Variants in SMARCA4 observed in about 807,000 individuals in gnomAD.
SMARCA4 encodes SWI/SNF related BAF chromatin remodeling complex subunit ATPase 4, also known as SWI/SNF-related matrix-associated actin-dependent regulator of chromatin subfamily A member 4.
In SMARCA4, 31 loss-of-function variants were observed where a neutral mutation model predicts 193.9. The observed-to-expected ratio is 0.16, with a 90% CI of 0.12 to 0.22. The LOEUF is 0.22. Among genes scored for constraint, SMARCA4 ranks in the 10% least tolerant of loss-of-function variants. The pLI is 1.00. For missense variants in SMARCA4, 1,148 were observed against 2,296.0 expected, an observed-to-expected ratio of 0.50 and a Z score of 10.22; for synonymous variants, 942 against 933.1, an observed-to-expected ratio of 1.01 and a Z score of -0.17.
rs75268640 is a variant in SMARCA4 at position 11,059,487 on chromosome 19, G to T, written c.4636-266G>T. On this transcript the variant is annotated intron_variant, in intron 32 of 34. Transcript: ENST00000344626. ...TCAGAGATTGTGCAGAAGGAGGGAG[G>T]CACCTGCAGCTATTCCCAAACCAGT... Among the ~76,000 whole-genome samples, 750 of 152,368 alleles carry T rather than the reference G, an allele frequency of 4.9e-3. 6 individuals are homozygous for T. Among genetic ancestry groups the T allele is most frequent in the African/African-American group, 0.017 (705 of 41,584 alleles).
Position 11,033,512 on chromosome 19 carries a change from G to A in SMARCA4, c.3769G>A (p.Asp1257Asn), listed in dbSNP as rs878854214. ...GGCCATCCTGGAGCACGAGGAGCAGGATGAGGTGAGCCCAGCACCGGCCCC... is the reference window on the plus strand; with the variant it reads ...GGCCATCCTGGAGCACGAGGAGCAGAATGAGGTGAGCCCAGCACCGGCCCC... The part of the protein sequence containing the change: ...LQAILEHEEQ[D>N]ESRHCSTGSG... Residue 1257 changes from aspartate to asparagine, a missense_variant, in exon 26 of 35, where the codon GAT becomes AAT. By Grantham distance (23) the Asp-to-Asn change is conservative. This residue lies in a region of SMARCA4 where 84 missense variants were observed against 202.2 expected (regional missense o/e 0.42). Coordinates refer to ENST00000344626, the MANE Select transcript of SMARCA4 (RefSeq NM_003072.5). This position sits in a 1 kb window ranked among gnomAD's most constrained non-coding sequence, Gnocchi z 9.8. The A allele has an allele frequency of 6.2e-7, 1 of 1,612,254 alleles. No homozygotes were observed.
intron 1 of SMARCA4, among the ~76,000 whole-genome samples, chr19:10,976,780 C>T (rs1004393604): frequency 5.9e-5 from 8 of 134,702 alleles, no homozygotes; most frequent in Non-Finnish European, 1.1e-4. Context: ...TTGGGCCGGG[C>T]GTGGTGCCTC....
At chr19:11,022,777 C>T (rs996364564) in intron 19 of SMARCA4, among the ~76,000 whole-genome samples, 3 of 152,104 alleles carry the variant, frequency 2.0e-5, no homozygotes, top group Admixed American at 6.5e-5. Flanking sequence ...CTTCTGATGG[C>T]GAAACCGAGG....
At chr19:10,988,851 G>A (rs2086297380) in intron 6 of SMARCA4, among the ~76,000 whole-genome samples, 1 of 152,198 alleles carries the variant, frequency 6.6e-6, no homozygotes, top group Admixed American at 6.5e-5. Context: ...AGTATGTGCA[G>A]AAAGACTGAT....
At chr19:11,061,204 AATATATATATATATATATATATAT>A (rs55894159) in intron 34 of SMARCA4, among the ~76,000 whole-genome samples, 2 of 45,226 alleles carry the variant, frequency 4.4e-5, no homozygotes, top group Non-Finnish European at 7.5e-5. Context: ...AAAAAAAAAA[AATATATATATATATATATATATAT>A]ATATATATAT....
rs1452629611 is a variant in SMARCA4, at chr19:11,003,326, T to TA, written c.1944-13dup. 2 of 1,613,096 alleles carry TA rather than the reference T, an allele frequency of 1.2e-6. No individual in the cohort carries two copies. Among genetic ancestry groups the TA allele is most frequent in the South Asian group, 1.1e-5 (1 of 91,060 alleles). On this transcript the variant is annotated splice_polypyrimidine_tract_variant and intron_variant, in intron 12 of 34. Transcript: ENST00000344626. ...CTGAGCAGATTTGTATGAAAGCCCT[T>TA]ACATTTTTTCTAGGTATGAAGTAGC...
intron 30 of SMARCA4, among the ~76,000 whole-genome samples, chr19:11,055,420 C>T (rs2076488006): frequency 6.6e-6 from 1 of 152,004 alleles, no homozygotes; most frequent in Non-Finnish European, 1.5e-5. Flanking sequence ...GAACTCCGGA[C>T]TTCGTGATCC....
intron 1 of SMARCA4, among the ~76,000 whole-genome samples, chr19:10,976,972 G>A (rs1035098402): frequency 2.0e-5 from 3 of 151,894 alleles, no homozygotes; most frequent in Non-Finnish European, 2.9e-5. Context: ...CAGGAGAATC[G>A]CTTGAACCTA....
At chr19:11,017,183 C>G (rs62129060) in intron 16 of SMARCA4, among the ~76,000 whole-genome samples, 1 of 152,212 alleles carries the variant, frequency 6.6e-6, no homozygotes, top group Non-Finnish European at 1.5e-5. Context: ...TCTCACACTT[C>G]CACCCTGTGT....
At chr19:11,015,903 C>T (rs1046438613) in intron 16 of SMARCA4, 1 of 152,046 alleles carries the variant, frequency 6.6e-6, no homozygotes, top group African/African-American at 2.4e-5. Context: ...CCCAGCCACT[C>T]AGGAGGCTGA....
Position 10,980,579 on chromosome 19 carries a change from A to C in SMARCA4, c.-31-3542A>C, listed in dbSNP as rs568731324. ...AACCCCGGGGACGGAGGTTGCAGTG[A>C]GCAGAGATCATGTCACTGCACTCCA... On this transcript the variant is annotated intron_variant, in intron 1 of 34. Coordinates refer to ENST00000344626, the MANE Select transcript of SMARCA4 (RefSeq NM_003072.5). Among the ~76,000 whole-genome samples, 113 of 151,860 alleles carry C rather than the reference A, an allele frequency of 7.4e-4. 2 individuals carry two copies. Among genetic ancestry groups the C allele is most frequent in the African/African-American group, 2.6e-3 (109 of 41,410 alleles).
Position 11,041,359 on chromosome 19 carries a change from AATC to A in SMARCA4, c.4228_4230del (p.Ser1410del), listed in dbSNP as rs1600466492. On this transcript the variant is annotated inframe_deletion, in exon 30 of 35. Coordinates refer to ENST00000344626, the MANE Select transcript of SMARCA4 (RefSeq NM_003072.5). This position sits in a 1 kb window ranked among gnomAD's most constrained non-coding sequence, Gnocchi z 5.6. ...ATCGAAGAGGAGGTCCGGCAGAAGAAATCATCACGGAAGCGCAAGCGAGACAGC... is the reference window on the plus strand; with the variant it reads ...ATCGAAGAGGAGGTCCGGCAGAAGAAATCACGGAAGCGCAAGCGAGACAGC... The A allele has an allele frequency of 3.7e-6, 6 of 1,612,644 alleles. No homozygotes were observed. The highest frequency in any genetic ancestry group is 5.1e-6 in the Non-Finnish European group (6 of 1,179,984).
chr19:11,017,598 C>T (rs1309319497), intron 16 of SMARCA4, among the ~76,000 whole-genome samples: 1 of 152,250 alleles, frequency 6.6e-6, no homozygotes, highest in Non-Finnish European at 1.5e-5. Context: ...GTCTCTGGGA[C>T]CTGTCCCCTC....
intron 30 of SMARCA4, among the ~76,000 whole-genome samples, chr19:11,043,513 G>A (rs964067175): frequency 9.9e-5 from 15 of 151,956 alleles, no homozygotes; most frequent in Admixed American, 2.0e-4. Context: ...ATACAGCTGC[G>A]GGCAGTAGCA....
intron 9 of SMARCA4, 70 bp from the exon 10 acceptor site, chr19:10,996,143 G>T: frequency 6.5e-7 from 1 of 1,544,522 alleles, no homozygotes; most frequent in South Asian, 1.1e-5. Context: ...CTTCTGGATT[G>T]ACTGGCCATG....
chr19:10,994,424 C>T (rs1224154354), intron 8 of SMARCA4, among the ~76,000 whole-genome samples: 2 of 150,254 alleles, frequency 1.3e-5, no homozygotes, highest in African/African-American at 2.5e-5. Context: ...CCCGGGTTCA[C>T]GCCATTCTCC....
intron 34 of SMARCA4, among the ~76,000 whole-genome samples, chr19:11,061,204 A>AATAT (rs55894159): frequency 3.2e-3 from 144 of 45,148 alleles, no homozygotes; most frequent in Middle Eastern, 0.012. Context: ...AAAAAAAAAA[A>AATAT]ATATATATAT....
chr19:11,009,308 C>G (rs976723354), intron 14 of SMARCA4, among the ~76,000 whole-genome samples: 1 of 152,016 alleles, frequency 6.6e-6, no homozygotes, highest in Non-Finnish European at 1.5e-5. Context: ...GCGTGAGCCA[C>G]CGCACCTGGC....
rs1060504463 is a variant in SMARCA4, at chr19:10,994,890, A to G, written c.1482A>G (p.Thr494=). ...TCAAGGAATATCACAGATCCGTCAC[A>G]GGCAAAATCCAGAAGCTGACCAAGG... ...KDFKEYHRSV[T]GKIQKLTKAV... is the part of the protein sequence containing the mutation. The change falls in exon 9 of 35, where the codon ACA becomes ACG. Residue 494 remains threonine, a synonymous_variant. Transcript: ENST00000344626. 3.7e-6 allele frequency: 6 copies of G among 1,614,028 alleles called. No individual in the cohort carries two copies. Among genetic ancestry groups the G allele is most frequent in the Non-Finnish European group, 5.1e-6 (6 of 1,179,992 alleles).
Sources: allele counts gnomAD v4.1 joint callset (sites outside exome capture counted in the v4.1 genomes callset), GRCh38; gene constraint gnomAD v4.1.1; regional missense constraint gnomAD v4.1.1; non-coding constraint Gnocchi (gnomAD v3.1); transcripts MANE v1.5; gene names NCBI Gene and HGNC (gene_info 2026-07-23, HGNC 2026-07-21).